Variants in TNRC6B observed in about 807,000 individuals in gnomAD.
The protein encoded by TNRC6B is trinucleotide repeat containing adaptor 6B.
Under a neutral mutation model 203.6 loss-of-function variants are expected in TNRC6B, and 52 were observed. The ratio of observed to expected loss-of-function variants is 0.26; its 90% CI spans 0.20 to 0.32. The LOEUF (loss-of-function observed/expected upper bound fraction) is 0.32, where lower values mean the gene tolerates loss of function less well. Among genes scored for constraint, TNRC6B ranks in the 10% least tolerant of loss-of-function variants. The pLI, the probability that TNRC6B is intolerant of heterozygous loss-of-function variation, is 1.00. For synonymous variants in TNRC6B, 838 were observed against 845.7 expected (o/e 0.99, Z 0.16); for missense variants, 1,923 against 2,286.2 (o/e 0.84, Z 3.24).
At chr22:40,134,018 A>T (rs2068576857) in intron 3 of TNRC6B, among the ~76,000 whole-genome samples, 2 of 147,468 alleles carry the variant, frequency 1.4e-5, no homozygotes, top group Admixed American at 6.8e-5. Flanking sequence ...GCGATGGGAG[A>T]TGGTGAAAAA....
At chr22:40,105,731 T>C (rs972040416) in intron 1 of TNRC6B, among the ~76,000 whole-genome samples, 3 of 152,206 alleles carry the variant, frequency 2.0e-5, no homozygotes, top group African/African-American at 4.8e-5. Context: ...CTATTATGGA[T>C]AGTGCTGCTG....
chr22:40,306,207 C>T (rs913954800), intron 15 of TNRC6B, among the ~76,000 whole-genome samples: 7 of 152,132 alleles, frequency 4.6e-5, no homozygotes, highest in East Asian at 3.9e-4. Context: ...GCAGGAAAAT[C>T]GCTTGAACCC....
At chr22:40,141,461 G>T (rs1325709085) in intron 3 of TNRC6B, among the ~76,000 whole-genome samples, 2 of 152,020 alleles carry the variant, frequency 1.3e-5, no homozygotes, top group Non-Finnish European at 2.9e-5. Context: ...GCCTCCCAAA[G>T]TGCTGGGATC....
In TNRC6B at chr22:40,323,256, A is replaced by G. The variant is rs772806863; in HGVS notation, c.*15A>G. On this transcript the variant is annotated 3_prime_UTR_variant, in exon 23 of 23. Coordinates refer to ENST00000454349, the MANE Select transcript of TNRC6B (RefSeq NM_001162501.2). Reference sequence around the variant, plus strand: ...ATTCAATCTGAACTTAGAACTTTCAACTCTGACCTCGTGACCTTTTTTGGA... The same window carrying G: ...ATTCAATCTGAACTTAGAACTTTCAGCTCTGACCTCGTGACCTTTTTTGGA... 6.3e-7 allele frequency: 1 copy of G among 1,597,634 alleles called. No individual in the cohort carries two copies.
Position 40,331,153 on chromosome 22 carries a change from T to C in TNRC6B, c.*7912T>C, listed in dbSNP as rs1339298893. The C allele has an allele frequency of 6.6e-6, 1 of 152,656 alleles. No individual in the cohort carries two copies. Among genetic ancestry groups the C allele is most frequent in the South Asian group, 2.1e-4 (1 of 4,830 alleles). The allele number at this position is 152,656 out of a possible 1,614,324, so 9.5% of individuals were successfully genotyped here. A position where few individuals can be genotyped will look rare whatever the true frequency, so the allele number is the denominator to read the frequency against. On this transcript the variant is annotated 3_prime_UTR_variant, in exon 23 of 23. Coordinates refer to ENST00000454349, the MANE Select transcript of TNRC6B (RefSeq NM_001162501.2). ...GCCGTGTGCAGAGCGGGCAGCACGC[T>C]TTTACCCTTTGAGTCTGTGTCCTGA...
At chr22:40,306,591 A>G (rs768653888) in intron 15 of TNRC6B, among the ~76,000 whole-genome samples, 8 of 152,018 alleles carry the variant, frequency 5.3e-5, no homozygotes, top group Non-Finnish European at 7.4e-5. Flanking sequence ...GTCAGAGAAA[A>G]CCTTTGTTCC....
intron 1 of TNRC6B, among the ~76,000 whole-genome samples, chr22:40,228,379 G>A (rs999864595): frequency 2.9e-4 from 44 of 151,678 alleles, no homozygotes; most frequent in African/African-American, 9.4e-4. Flanking sequence ...GCAGTGAGCC[G>A]AGATTGTGCC....
chr22:40,273,649 A>C, intron 7 of TNRC6B, 49 bp downstream of exon 7: 1 of 1,488,464 alleles, frequency 6.7e-7, no homozygotes, highest in Non-Finnish European at 9.0e-7. Flanking sequence ...CTGAGAAGGC[A>C]GAACTGAGGT....
intron 4 of TNRC6B, among the ~76,000 whole-genome samples, chr22:40,166,756 G>A (rs566115475): frequency 1.2e-4 from 19 of 152,126 alleles, no homozygotes; most frequent in Admixed American, 9.2e-4. Context: ...TTAGCTAAGC[G>A]TGGTGGCACA....
At position 40,280,114 on chromosome 22, in the gene TNRC6B, A is replaced by G; in HGVS notation, c.3382A>G (p.Thr1128Ala). The G allele has an allele frequency of 6.2e-7, 1 of 1,613,822 alleles. No homozygotes were observed. The highest frequency in any genetic ancestry group is 8.5e-7 in the Non-Finnish European group (1 of 1,179,760). ...TCCACCTAATTCCAAAGACATGGGAACCACAGATAGTGGGCCTTATTTTGA... is the reference window on the plus strand; with the variant it reads ...TCCACCTAATTCCAAAGACATGGGAGCCACAGATAGTGGGCCTTATTTTGA... ...FRPPNSKDMG[T>A]TDSGPYFEKL... Residue 1128 changes from threonine to alanine, a missense_variant, in exon 10 of 23, where the codon ACC (threonine) becomes GCC (alanine). Physicochemically the swap from Thr to Ala is moderately conservative, Grantham distance 58 (BLOSUM62 0). This residue lies in a region of TNRC6B where 599 missense variants were observed against 656.5 expected (regional missense o/e 0.91). Transcript: ENST00000454349.
intron 3 of TNRC6B, among the ~76,000 whole-genome samples, chr22:40,153,855 T>C (rs1437871411): frequency 6.6e-6 from 1 of 151,102 alleles, no homozygotes; most frequent in East Asian, 1.9e-4. Flanking sequence ...GTATTTAATA[T>C]AAATTTTAAT....
intron 3 of TNRC6B, among the ~76,000 whole-genome samples, chr22:40,144,980 C>T (rs962930728): frequency 2.0e-5 from 3 of 150,718 alleles, no homozygotes; most frequent in African/African-American, 7.4e-5. Flanking sequence ...GCCTGTAATC[C>T]CAGCACTTTG....
At chr22:40,300,234 G>GTCTAA (rs2071004500) in intron 12 of TNRC6B, among the ~76,000 whole-genome samples, 2 of 151,848 alleles carry the variant, frequency 1.3e-5, no homozygotes, top group Non-Finnish European at 2.9e-5. Context: ...GTAGAAAATT[G>GTCTAA]GAAAGTCTAA....
rs2044008098 is a variant in TNRC6B, at chr22:40,333,949, T to C, written c.*10708T>C. On this transcript the variant is annotated 3_prime_UTR_variant, in exon 23 of 23. Transcript: ENST00000454349. ...TTACTAGTCAAGAAGCCCTTTTCAG[T>C]TGGATCTCACTGATCTTGTATAGTG... 6.6e-6 allele frequency: 1 copy of C among 152,658 alleles called. No homozygotes were observed. The highest frequency in any genetic ancestry group is 2.1e-4 in the South Asian group (1 of 4,834). The allele number at this position is 152,658 out of a possible 1,614,324, so 9.5% of individuals were successfully genotyped here.
intron 4 of TNRC6B, chr22:40,156,227 G>A: frequency 6.5e-7 from 1 of 1,537,608 alleles, no homozygotes; most frequent in Non-Finnish European, 8.8e-7. Flanking sequence ...CAGATCCTCG[G>A]AAACACTTTG....
At chr22:40,301,582 T>C (rs1601505568) in intron 15 of TNRC6B, 1 of 503,256 alleles carries the variant, frequency 2.0e-6, no homozygotes, top group Non-Finnish European at 3.5e-6. Flanking sequence ...GTCTTCCTTT[T>C]TTTTGTGTGT....
rs935270023 is a variant in TNRC6B at position 40,062,356 on chromosome 22, A to G, written c.-121+17358A>G. Among the ~76,000 whole-genome samples, 6 of 151,970 alleles carry G rather than the reference A, an allele frequency of 3.9e-5. No homozygotes were observed. The South Asian group carries it at 1.3e-3, about 32-fold the overall frequency. ...GCTGGGATTACAGACGTCCACCACC[A>G]TGCCCAGCTGCCCAGCTGATTTTTG... On this transcript the variant is annotated intron_variant, in intron 1 of 23. Coordinates refer to the TNRC6B transcript ENST00000301923.
intron 1 of TNRC6B, among the ~76,000 whole-genome samples, chr22:40,056,045 G>C (rs1425626536): frequency 1.3e-5 from 2 of 152,126 alleles, no homozygotes; most frequent in African/African-American, 4.8e-5. Flanking sequence ...ACTCCTATTT[G>C]TTTTCAATGT....
chr22:40,045,530 C>T (rs2032210541), intron 1 of TNRC6B: 1 of 152,198 alleles, frequency 6.6e-6, no homozygotes, highest in Admixed American at 6.5e-5. Flanking sequence ...GGCGTCAGGC[C>T]TCGGATCCTC....
Sources: gnomAD v4.1 joint callset for allele counts (sites outside exome capture counted in the v4.1 genomes callset) on GRCh38, gnomAD v4.1.1 for gene constraint, gnomAD v4.1.1 regional missense constraint, MANE v1.5 for transcripts, NCBI Gene and HGNC (gene_info 2026-07-23, HGNC 2026-07-21) for gene names.